Variants in DMXL2 observed in about 807,000 individuals in gnomAD.
The protein encoded by DMXL2 is dmX-like protein 2.
In DMXL2, 103 loss-of-function variants were observed where a neutral mutation model predicts 331.1. The observed-to-expected ratio is 0.31, with a 90% CI of 0.27 to 0.37. The LOEUF is 0.37. Ranked by LOEUF, DMXL2 falls within the 10% of genes least tolerant of loss-of-function variation. DMXL2 has a pLI of 1.00. For synonymous variants in DMXL2, 1,281 were observed against 1,252.1 expected (o/e 1.02, Z -0.49); for missense variants, 3,171 against 3,642.9 (o/e 0.87, Z 3.33).
intron 17 of DMXL2, among the ~76,000 whole-genome samples, chr15:51,502,281 A>T (rs1462896689): frequency 6.8e-6 from 1 of 147,184 alleles, no homozygotes; most frequent in East Asian, 2.1e-4. Context: ...AGCTGATTAC[A>T]TTTATCACAG....
chr15:51,528,853 C>T (rs561920426), intron 13 of DMXL2, among the ~76,000 whole-genome samples: 12 of 152,146 alleles, frequency 7.9e-5, no homozygotes, highest in Admixed American at 1.3e-4. Context: ...ACAGACCATA[C>T]GTTAGGTCAC....
intron 13 of DMXL2, among the ~76,000 whole-genome samples, chr15:51,519,155 G>T (rs1054507567): frequency 6.6e-6 from 1 of 151,652 alleles, no homozygotes; most frequent in African/African-American, 2.4e-5. Flanking sequence ...TTTTTTAATG[G>T]TTAACATTCT....
chr15:51,604,494 T>C (rs964033932), intron 1 of DMXL2, among the ~76,000 whole-genome samples: 1 of 151,312 alleles, frequency 6.6e-6, no homozygotes, highest in African/African-American at 2.4e-5. Context: ...AATTGGAAAA[T>C]AAAATGTTTA....
At chr15:51,453,936 C>A in intron 40 of DMXL2, 1 of 244,240 alleles carries the variant, frequency 4.1e-6, no homozygotes. Context: ...ACCTAAGACC[C>A]GTCAATTTTA....
At chr15:51,530,541 G>T (rs2047941341) in intron 13 of DMXL2, among the ~76,000 whole-genome samples, 1 of 151,292 alleles carries the variant, frequency 6.6e-6, no homozygotes, top group Admixed American at 6.6e-5. Context: ...CACGAGGTCA[G>T]GAGATCGAGA....
chr15:51,569,469 G>A (rs571265347), intron 2 of DMXL2, among the ~76,000 whole-genome samples: 5 of 152,268 alleles, frequency 3.3e-5, no homozygotes, highest in South Asian at 2.1e-4. Context: ...CACAGCATTC[G>A]AGCTCTGATA....
At chr15:51,479,876 A>G in intron 25 of DMXL2, 72 bp downstream of exon 25, 1 of 1,201,866 alleles carries the variant, frequency 8.3e-7, no homozygotes, top group Non-Finnish European at 1.1e-6. Context: ...CTAAGTTCGA[A>G]TTAAAAGACA....
chr15:51,449,228 C>G (rs376711302), intron 43 of DMXL2, 35 bp from the exon 44 acceptor site: 2 of 1,607,558 alleles, frequency 1.2e-6, no homozygotes, highest in Admixed American at 3.3e-5. Context: ...AAATATATTA[C>G]GAAAAGACCA....
At chr15:51,485,512 A>T (rs1296785259) in intron 23 of DMXL2, among the ~76,000 whole-genome samples, 1 of 152,252 alleles carries the variant, frequency 6.6e-6, no homozygotes, top group Non-Finnish European at 1.5e-5. Context: ...ACTGCTGTGC[A>T]TCTTACTTTT....
At chr15:51,500,981 T>TG in intron 17 of DMXL2, among the ~76,000 whole-genome samples, 1 of 152,348 alleles carries the variant, frequency 6.6e-6, no homozygotes, top group East Asian at 1.9e-4. Context: ...TCTAAACAAT[T>TG]GGGATCAGTT....
chr15:51,491,419 C>G (rs1174564769), intron 20 of DMXL2, among the ~76,000 whole-genome samples, 159 bp downstream of exon 20: 1 of 151,322 alleles, frequency 6.6e-6, no homozygotes, highest in Admixed American at 6.6e-5. Flanking sequence ...CCAGCCTAGG[C>G]GACAAGAGCG....
At chr15:51,553,283 T>C (rs2049335713) in intron 6 of DMXL2, among the ~76,000 whole-genome samples, 1 of 152,138 alleles carries the variant, frequency 6.6e-6, no homozygotes, top group Non-Finnish European at 1.5e-5. Flanking sequence ...CAAAAGAATA[T>C]CTGCTAAACA....
intron 4 of DMXL2, 117 bp from the exon 5 acceptor site, chr15:51,564,377 G>A (rs866019546): frequency 6.7e-5 from 50 of 742,210 alleles, no homozygotes; most frequent in Non-Finnish European, 8.7e-5. Flanking sequence ...AAGCAATATC[G>A]CCAACGAAAA....
intron 1 of DMXL2, among the ~76,000 whole-genome samples, chr15:51,596,918 T>C (rs2052857539): frequency 6.6e-6 from 1 of 152,038 alleles, no homozygotes; most frequent in Admixed American, 6.6e-5. Context: ...CCGGGGCCTG[T>C]TGTGAGGTGG....
At chr15:51,618,586 G>A (rs1388580302) in intron 1 of DMXL2, among the ~76,000 whole-genome samples, 2 of 151,930 alleles carry the variant, frequency 1.3e-5, no homozygotes, top group Admixed American at 6.6e-5. Flanking sequence ...AGAATACCAG[G>A]TACGTTTTCC....
chr15:51,538,111 T>C, intron 10 of DMXL2, 102 bp downstream of exon 10: 1 of 1,408,842 alleles, frequency 7.1e-7, no homozygotes, highest in Non-Finnish European at 9.6e-7. Context: ...AATAGAAAAG[T>C]AAAAAGGAGG....
chr15:51,471,214 A>G lies in DMXL2; in HGVS notation c.7392+9T>C, dbSNP rs374828630. The G allele has an allele frequency of 1.3e-5, 21 of 1,605,596 alleles. No homozygotes were observed. The African/African-American group carries it at 2.5e-4, about 19-fold the overall frequency. On this transcript the variant is annotated intron_variant, in intron 29 of 43. Transcript: ENST00000560891. ...TTCTCTTAAAGCTTGCATTCCTCAC[A>G]CTCCTTACCTTTGCAACAAAATAAT...
intron 40 of DMXL2, 116 bp downstream of exon 40, chr15:51,455,035 T>C (rs2039501149): frequency 2.4e-6 from 2 of 826,672 alleles, no homozygotes; most frequent in Admixed American, 2.0e-5. Flanking sequence ...CTGGGATTGC[T>C]GAAAAAAATC....
chr15:51,518,635 G>C (rs939770691), intron 13 of DMXL2, among the ~76,000 whole-genome samples: 53 of 152,160 alleles, frequency 3.5e-4, no homozygotes, highest in Non-Finnish European at 7.4e-4. Flanking sequence ...GCTGCACACT[G>C]AATCACCTGG....
Sources: gnomAD v4.1 joint callset for allele counts (sites outside exome capture counted in the v4.1 genomes callset) on GRCh38, gnomAD v4.1.1 for gene constraint, MANE v1.5 for transcripts, NCBI Gene and HGNC (gene_info 2026-07-23, HGNC 2026-07-21) for gene names.